The following SLC36A2 variants were observed in gnomAD, a reference collection of about 807,000 sequenced individuals.
SLC36A2 encodes solute carrier family 36 member 2, also known as proton-coupled amino acid transporter 2.
Under a neutral mutation model 42.7 loss-of-function variants are expected in SLC36A2, and 39 were observed. That is an observed-to-expected ratio of 0.91 (90% CI 0.71 to 1.19). SLC36A2 has a LOEUF of 1.19. Among genes scored for constraint, SLC36A2 ranks in the 50% most tolerant of loss-of-function variants. The pLI is 0.00. For synonymous variants in SLC36A2, 237 were observed against 240.8 expected, an observed-to-expected ratio of 0.98 and a Z score of 0.15; for missense variants, 590 against 613.7, an observed-to-expected ratio of 0.96 and a Z score of 0.41.
At chr5:151,326,684 C>A (rs1019663267) in intron 7 of SLC36A2, among the ~76,000 whole-genome samples, 1 of 152,172 alleles carries the variant, frequency 6.6e-6, no homozygotes, top group South Asian at 2.1e-4. Context: ...CCTCCTCAGG[C>A]TCTTATTGTC....
chr5:151,322,407 G>T (rs554993040), intron 8 of SLC36A2, among the ~76,000 whole-genome samples, 192 bp from the exon 9 acceptor site: 6 of 152,282 alleles, frequency 3.9e-5, no homozygotes, highest in African/African-American at 1.4e-4. Context: ...TGCGGTTCTG[G>T]ATTCAGTGGA....
At chr5:151,341,072 A>G (rs1165882322) in intron 4 of SLC36A2, among the ~76,000 whole-genome samples, 1 of 152,200 alleles carries the variant, frequency 6.6e-6, no homozygotes, top group Admixed American at 6.5e-5. Context: ...CTAGGTATAC[A>G]TGTGCCATGG....
chr5:151,337,424 C>T (rs1289762937), intron 5 of SLC36A2, among the ~76,000 whole-genome samples: 1 of 152,144 alleles, frequency 6.6e-6, no homozygotes, highest in Non-Finnish European at 1.5e-5. Flanking sequence ...GGCCTGACAC[C>T]AAAATATCAT....
chr5:151,344,463 G>C (rs1756439160), intron 1 of SLC36A2, among the ~76,000 whole-genome samples, 196 bp from the exon 2 acceptor site: 3 of 152,206 alleles, frequency 2.0e-5, no homozygotes, highest in Admixed American at 2.0e-4. Context: ...CCTGGTTTTA[G>C]CAGCTAACAC....
rs1755479176 is a variant in SLC36A2 at position 151,315,930 on chromosome 5, A to T, written c.*887T>A. 1 of 152,098 alleles carries T rather than the reference A, an allele frequency of 6.6e-6. No individual in the cohort carries two copies. Among genetic ancestry groups the T allele is most frequent in the South Asian group, 2.1e-4 (1 of 4,822 alleles). 9.4% of individuals were successfully genotyped at this position (152,098 alleles called of 1,614,324 possible). A position where few individuals can be genotyped will look rare whatever the true frequency, so the allele number is the denominator to read the frequency against. On this transcript the variant is annotated 3_prime_UTR_variant, in exon 10 of 10. Transcript: ENST00000335244. ...GTTGGGATCTTTGAGTTGGGAGAAA[A>T]TGTTATCTAATCGTTTGAAATGTTT...
At chr5:151,337,899 G>A (rs1380398900) in intron 5 of SLC36A2, among the ~76,000 whole-genome samples, 1 of 152,212 alleles carries the variant, frequency 6.6e-6, no homozygotes, top group Non-Finnish European at 1.5e-5. Flanking sequence ...GTTGGATTAA[G>A]AATTATTTTA....
chr5:151,323,271 A>ATAAG (rs1755751664), intron 8 of SLC36A2, among the ~76,000 whole-genome samples: 1 of 150,982 alleles, frequency 6.6e-6, no homozygotes, highest in African/African-American at 2.4e-5. Flanking sequence ...AAATAAATAA[A>ATAAG]TAAATAAATA....
At chr5:151,323,189 C>A (rs1283578298) in intron 8 of SLC36A2, among the ~76,000 whole-genome samples, 1 of 151,820 alleles carries the variant, frequency 6.6e-6, no homozygotes, top group Non-Finnish European at 1.5e-5. Flanking sequence ...GAGCTGAGAT[C>A]GCACCACTGC....
intron 4 of SLC36A2, 85 bp downstream of exon 4, chr5:151,342,803 C>A: frequency 8.4e-7 from 1 of 1,196,018 alleles, no homozygotes; most frequent in Non-Finnish European, 1.2e-6. Context: ...AAACAAACCA[C>A]CTTTCCAGGG....
intron 9 of SLC36A2, among the ~76,000 whole-genome samples, chr5:151,318,564 T>TTA (rs944920670): frequency 2.1e-5 from 3 of 145,150 alleles, no homozygotes; most frequent in Non-Finnish European, 3.0e-5. Flanking sequence ...AAATATATTT[T>TTA]TATATATAAT....
At position 151,347,520 on chromosome 5, in the gene SLC36A2, G is replaced by A; in HGVS notation, c.-60C>T. 6 of 1,596,554 alleles carry A rather than the reference G, an allele frequency of 3.8e-6. No individual in the cohort carries two copies. Among genetic ancestry groups the A allele is most frequent in the South Asian group, 1.1e-5 (1 of 90,578 alleles). The stretch of plus-strand genomic sequence containing the variant: ...AGAGGTCTGCTCTGGAAGGAGGGAA[G>A]CAGGAAGGTGTCTAGTGTAGATGTA... On this transcript the variant is annotated 5_prime_UTR_variant, in exon 1 of 10. Transcript: ENST00000335244.
chr5:151,347,493 A>G lies in SLC36A2; in HGVS notation c.-33T>C, dbSNP rs1409703494. 1 of 1,612,118 alleles carries G rather than the reference A, an allele frequency of 6.2e-7. No individual in the cohort carries two copies. Among genetic ancestry groups the G allele is most frequent in the South Asian group, 1.1e-5 (1 of 91,002 alleles). ...TAAGAAACAAGGAGCTCGGGGTGAC[A>G]AAGAGGTCTGCTCTGGAAGGAGGGA... On this transcript the variant is annotated 5_prime_UTR_variant, in exon 1 of 10. Coordinates refer to ENST00000335244, the MANE Select transcript of SLC36A2 (RefSeq NM_181776.3).
In SLC36A2 at chr5:151,319,136, T is replaced by C. The variant is rs1310123276; in HGVS notation, c.1181-2048A>G. ...CATTCTGCATAGGACATAAAAGTCTTCAATGAGATTTTTCATGTAAAGCAT... is the reference window on the plus strand; with the variant it reads ...CATTCTGCATAGGACATAAAAGTCTCCAATGAGATTTTTCATGTAAAGCAT... On this transcript the variant is annotated intron_variant, in intron 9 of 9. Transcript: ENST00000335244. 9.2e-6 allele frequency: 9 copies of C among 975,208 alleles called. No homozygotes were observed. In the Admixed American group the frequency reaches 5.5e-4, roughly 60 times the overall value. 60.4% of individuals were successfully genotyped at this position (975,208 alleles called of 1,614,324 possible).
rs372556857 is a variant in SLC36A2, at chr5:151,339,012, G to A, written c.525+48C>T. The A allele has an allele frequency of 3.2e-5, 43 of 1,345,498 alleles. 1 individual carries two copies. The highest frequency in any genetic ancestry group is 1.2e-4 in the Admixed American group (7 of 58,846). 83.3% of individuals were successfully genotyped at this position (1,345,498 alleles called of 1,614,324 possible). On this transcript the variant is annotated intron_variant, in intron 5 of 9. Transcript: ENST00000335244. ...AGTTTGTCAAACAACTAGCAGTGGC[G>A]TGTCCTTGTCCATCTTTTCCCCTCC...
intron 6 of SLC36A2, among the ~76,000 whole-genome samples, chr5:151,334,495 A>G (rs1222342858): frequency 6.6e-6 from 1 of 152,164 alleles, no homozygotes; most frequent in Non-Finnish European, 1.5e-5. Context: ...GTTCGAGACC[A>G]GCCTGGCCAA....
rs1282041548 is a variant in SLC36A2 at position 151,339,162 on chromosome 5, G to A, written c.441-18C>T. The A allele has an allele frequency of 1.3e-6, 2 of 1,584,080 alleles. No individual in the cohort carries two copies. Among genetic ancestry groups the A allele is most frequent in the South Asian group, 1.1e-5 (1 of 90,376 alleles). The stretch of plus-strand genomic sequence containing the variant: ...CGATATGCCTAGAAGGGAGAAGAGA[G>A]GGAAAAAGAAAACTTGTTATAAAAT... On this transcript the variant is annotated intron_variant, in intron 4 of 9. Transcript: ENST00000335244.
intron 7 of SLC36A2, among the ~76,000 whole-genome samples, chr5:151,332,816 A>T (rs1756035883): frequency 6.6e-6 from 1 of 152,234 alleles, no homozygotes; most frequent in African/African-American, 2.4e-5. Flanking sequence ...AAAAATATAT[A>T]AACAACACTA....
intron 7 of SLC36A2, among the ~76,000 whole-genome samples, chr5:151,326,610 G>T (rs899361859): frequency 6.6e-6 from 1 of 152,068 alleles, no homozygotes; most frequent in South Asian, 2.1e-4. Context: ...CCTCTTGCCG[G>T]TTGGACATTT....
intron 4 of SLC36A2, among the ~76,000 whole-genome samples, chr5:151,339,918 C>T (rs1410230893): frequency 6.6e-6 from 1 of 152,106 alleles, no homozygotes; most frequent in African/African-American, 2.4e-5. Context: ...TTAGATATAG[C>T]ATTAAGGGCC....
Sources: allele counts gnomAD v4.1 joint callset (sites outside exome capture counted in the v4.1 genomes callset), GRCh38; gene constraint gnomAD v4.1.1; transcripts MANE v1.5; gene names NCBI Gene and HGNC (gene_info 2026-07-23, HGNC 2026-07-21).